Variants in TRPC4AP observed in about 807,000 individuals in gnomAD.
TRPC4AP encodes the protein transient receptor potential cation channel subfamily C member 4 associated protein.
In TRPC4AP, 45 loss-of-function variants were observed where a neutral mutation model predicts 99.0. The observed-to-expected ratio is 0.45, with a 90% CI of 0.36 to 0.58. The LOEUF is 0.58. TRPC4AP is among the 20% of genes least tolerant of loss of function. The pLI, the probability that TRPC4AP is intolerant of heterozygous loss-of-function variation, is 0.00. For synonymous variants in TRPC4AP, 408 were observed against 385.8 expected, an observed-to-expected ratio of 1.06 and a Z score of -0.67; for missense variants, 879 against 985.3, an observed-to-expected ratio of 0.89 and a Z score of 1.44.
At chr20:35,046,657 ACAGGAATTTGCTGTG>A (rs1424270595) in intron 6 of TRPC4AP, among the ~76,000 whole-genome samples, 2 of 152,128 alleles carry the variant, frequency 1.3e-5, no homozygotes, top group African/African-American at 4.8e-5. Context: ...GTAATGGAGG[ACAGGAATTTGCTGTG>A]CAGGGGGCAT....
intron 1 of TRPC4AP, among the ~76,000 whole-genome samples, chr20:35,080,299 A>T (rs1444590663): frequency 6.6e-6 from 1 of 151,696 alleles, no homozygotes; most frequent in Non-Finnish European, 1.5e-5. Context: ...TCACAAGTAC[A>T]AGACCAGCCT....
In TRPC4AP at chr20:35,092,728, C is replaced by T. The variant is rs750384665; in HGVS notation, c.54G>A (p.Ser18=). 9.6e-6 allele frequency: 15 copies of T among 1,560,238 alleles called. No individual in the cohort carries two copies. The highest frequency in any genetic ancestry group is 1.9e-4 in the Middle Eastern group (1 of 5,280). ...CGCCCCAAGCCGCCACTGTGGCTGC[C>T]GACCGTCTCCCTCGGCCGGCTCCAG... ...AGSGAGRGRR[S]AATVAAWGGW... Residue 18 remains serine (S), a synonymous_variant, in exon 1 of 19, where the codon TCG becomes TCA. Transcript: ENST00000252015.
At chr20:35,074,880 T>C (rs543588210) in intron 2 of TRPC4AP, among the ~76,000 whole-genome samples, 1 of 152,352 alleles carries the variant, frequency 6.6e-6, no homozygotes, top group African/African-American at 2.4e-5. Context: ...TGTTAAAGTC[T>C]CCCATTATTA....
At chr20:35,025,417 C>A (rs2083004442) in intron 8 of TRPC4AP, among the ~76,000 whole-genome samples, 2 of 152,140 alleles carry the variant, frequency 1.3e-5, no homozygotes, top group South Asian at 4.1e-4. Flanking sequence ...GAACAATCCT[C>A]CTGCCTTGGC....
chr20:35,073,562 G>A (rs1036188002), intron 2 of TRPC4AP, among the ~76,000 whole-genome samples: 6 of 152,166 alleles, frequency 3.9e-5, no homozygotes, highest in South Asian at 4.1e-4. Flanking sequence ...CTGTTTATAT[G>A]ATGGATTACG....
chr20:35,025,785 A>G (rs2083015635), intron 8 of TRPC4AP, among the ~76,000 whole-genome samples: 1 of 152,188 alleles, frequency 6.6e-6, no homozygotes, highest in East Asian at 1.9e-4. Context: ...AATTTTGATG[A>G]AGTCCAATTT....
chr20:35,042,516 C>A (rs891500045), intron 7 of TRPC4AP, among the ~76,000 whole-genome samples: 1 of 152,170 alleles, frequency 6.6e-6, no homozygotes, highest in Non-Finnish European at 1.5e-5. Flanking sequence ...AGGGCTACCT[C>A]TGCATGGTCA....
At chr20:35,080,557 C>A (rs1326444605) in intron 1 of TRPC4AP, among the ~76,000 whole-genome samples, 75 of 110,242 alleles carry the variant, frequency 6.8e-4, no homozygotes, top group Admixed American at 1.8e-3. Context: ...AAAAAAAAAA[C>A]CTAAAAGAAG....
At chr20:35,078,336 C>T (rs2084539698) in intron 1 of TRPC4AP, among the ~76,000 whole-genome samples, 162 bp from the exon 2 acceptor site, 1 of 152,166 alleles carries the variant, frequency 6.6e-6, no homozygotes, top group Non-Finnish European at 1.5e-5. Flanking sequence ...CAAAACCTCC[C>T]CAACAGCCTA....
chr20:35,081,459 A>C (rs981917875), intron 1 of TRPC4AP, among the ~76,000 whole-genome samples: 1 of 151,922 alleles, frequency 6.6e-6, no homozygotes, highest in Non-Finnish European at 1.5e-5. Flanking sequence ...GACTGCAGTG[A>C]CCTGTGATCT....
At chr20:35,076,157 G>A (rs1025301605) in intron 2 of TRPC4AP, among the ~76,000 whole-genome samples, 8 of 152,084 alleles carry the variant, frequency 5.3e-5, no homozygotes, top group Admixed American at 3.3e-4. Context: ...TTAGCCATTC[G>A]TCTAATCTTT....
At position 35,044,730 on chromosome 20, in the gene TRPC4AP, G is replaced by T. The variant is rs753069656; in HGVS notation, c.658-18C>A. 1 of 1,611,334 alleles carries T rather than the reference G, an allele frequency of 6.2e-7. No individual in the cohort carries two copies. Among genetic ancestry groups the T allele is most frequent in the East Asian group, 2.2e-5 (1 of 44,834 alleles). Reference sequence around the variant, plus strand: ...ATCATTTCCTACAGAAGACAAAAATGAAACAATCCCCATGCTCAATTCACT... The same window carrying T: ...ATCATTTCCTACAGAAGACAAAAATTAAACAATCCCCATGCTCAATTCACT... On this transcript the variant is annotated intron_variant, in intron 6 of 18. Coordinates refer to ENST00000252015, the MANE Select transcript of TRPC4AP (RefSeq NM_015638.3).
chr20:35,003,879 T>G (rs944845608), intron 17 of TRPC4AP, among the ~76,000 whole-genome samples: 1 of 152,098 alleles, frequency 6.6e-6, no homozygotes. Flanking sequence ...AGACCTGGGC[T>G]CAAGCATCAC....
At chr20:35,083,525 G>A (rs979375036) in intron 1 of TRPC4AP, among the ~76,000 whole-genome samples, 3 of 151,488 alleles carry the variant, frequency 2.0e-5, no homozygotes, top group East Asian at 3.9e-4. Context: ...CAGGAGAATC[G>A]CTTGAACCTG....
intron 7 of TRPC4AP, among the ~76,000 whole-genome samples, chr20:35,039,281 C>G (rs1386226898): frequency 1.3e-5 from 2 of 152,138 alleles, no homozygotes; most frequent in Admixed American, 6.5e-5. Flanking sequence ...ATGGGAAGTG[C>G]CCGGTACTCA....
Position 35,003,313 on chromosome 20 carries a change from C to T in TRPC4AP, c.2257-30G>A. On this transcript the variant is annotated intron_variant, in intron 18 of 18. Transcript: ENST00000252015. Reference sequence around the variant, plus strand: ...GCAAAGAGGGAGGGGCTGGGGGGCGCCTGGAGGACCCAGGTCAAGCCCAGC... The same window carrying T: ...GCAAAGAGGGAGGGGCTGGGGGGCGTCTGGAGGACCCAGGTCAAGCCCAGC... 1.9e-6 allele frequency: 3 copies of T among 1,613,738 alleles called. No individual in the cohort carries two copies. In the East Asian group the frequency reaches 6.7e-5, roughly 36 times the overall value.
In TRPC4AP at chr20:35,090,377, C is replaced by CTTTTTTTTTTTTTTTT. The variant is rs71196792; in HGVS notation, c.168+2221_168+2236dup. 4.5e-5 allele frequency among the ~76,000 whole-genome samples: 4 copies of CTTTTTTTTTTTTTTTT among 88,980 alleles called. 1 individual carries two copies. The highest frequency in any genetic ancestry group is 3.7e-4 in the East Asian group (1 of 2,682). The allele number at this position is 88,980 out of a possible 152,430, so 58.4% of individuals were successfully genotyped here. A position where few individuals can be genotyped will look rare whatever the true frequency, so the allele number is the denominator to read the frequency against. On this transcript the variant is annotated intron_variant, in intron 1 of 18. Coordinates refer to ENST00000252015, the MANE Select transcript of TRPC4AP (RefSeq NM_015638.3). ...TTCCAGCAGCCTTGTATCTGGTGAG[C>CTTTTTTTTTTTTTTTT]TTTTTTTTTTTTTTTTTGAGATGAA...
At chr20:35,058,520 A>G (rs1261824176) in intron 3 of TRPC4AP, among the ~76,000 whole-genome samples, 1 of 152,190 alleles carries the variant, frequency 6.6e-6, no homozygotes, top group Non-Finnish European at 1.5e-5. Flanking sequence ...CATGAATTAT[A>G]TGGATAATTT....
intron 1 of TRPC4AP, among the ~76,000 whole-genome samples, chr20:35,085,369 T>C (rs2084810810): frequency 6.6e-6 from 1 of 152,194 alleles, no homozygotes; most frequent in African/African-American, 2.4e-5. Flanking sequence ...TCCTAGCACT[T>C]GGGAGGCCAA....
Sources: gnomAD v4.1 joint callset for allele counts (sites outside exome capture counted in the v4.1 genomes callset) on GRCh38, gnomAD v4.1.1 for gene constraint, MANE v1.5 for transcripts, NCBI Gene and HGNC (gene_info 2026-07-23, HGNC 2026-07-21) for gene names.